KIF24: variants seen among roughly 807,000 people sequenced by gnomAD.
The protein encoded by KIF24 is kinesin family member 24.
Under a neutral mutation model 118.9 loss-of-function variants are expected in KIF24, and 81 were observed. The observed-to-expected ratio is 0.68, with a 90% confidence interval of 0.57 to 0.82. KIF24 has a LOEUF of 0.82. Among genes scored for constraint, KIF24 ranks in the 40% least tolerant of loss-of-function variants. The probability of loss-of-function intolerance (pLI) is 0.00; values close to 1 mark genes in which losing one functional copy is unlikely to be tolerated. For synonymous variants in KIF24, 599 were observed against 610.0 expected (o/e 0.98, Z 0.27); for missense variants, 1,560 against 1,661.6 (o/e 0.94, Z 1.06).
intron 4 of KIF24, among the ~76,000 whole-genome samples, chr9:34,296,245 G>C (rs1006370387): frequency 1.0e-4 from 14 of 136,088 alleles, no homozygotes; most frequent in African/African-American, 3.9e-4. Flanking sequence ...ACATCTATGA[G>C]GCCGGGCGTG....
At chr9:34,332,529 C>G (rs1358929111), upstream of KIF24, among the ~76,000 whole-genome samples, 1 of 152,146 alleles carries the variant, frequency 6.6e-6, no homozygotes, top group Non-Finnish European at 1.5e-5. Flanking sequence ...AGACAAATTC[C>G]CCGAGTTAGC....
rs373713874 is a variant in KIF24 at position 34,255,052 on chromosome 9, G to A, written c.3966+20C>T. The A allele has an allele frequency of 6.4e-5, 97 of 1,516,938 alleles. No homozygotes were observed. Among genetic ancestry groups the A allele is most frequent in the East Asian group, 1.4e-4 (6 of 42,138 alleles). 94.0% of individuals were successfully genotyped at this position (1,516,938 alleles called of 1,614,324 possible). On this transcript the variant is annotated intron_variant, in intron 12 of 12. Coordinates refer to ENST00000402558, the MANE Select transcript of KIF24 (RefSeq NM_194313.4). ...GGCTAATTCCCAACAGCCTGTGAGT[G>A]TCCAGCCAGGGCTACTTACATTAGA...
chr9:34,252,792 G>A lies in KIF24; in HGVS notation c.*1588C>T, dbSNP rs1834648098. 1 of 152,170 alleles carries A rather than the reference G, an allele frequency of 6.6e-6. No individual in the cohort carries two copies. Among genetic ancestry groups the A allele is most frequent in the South Asian group, 2.1e-4 (1 of 4,824 alleles). 9.4% of individuals were successfully genotyped at this position (152,170 alleles called of 1,614,324 possible). A position where few individuals can be genotyped will look rare whatever the true frequency, so the allele number is the denominator to read the frequency against. ...TGACTGTGGAGTTGGGATAGGCTGG[G>A]CCTTCAGGGGGATCACCCAGTAAAA... On this transcript the variant is annotated 3_prime_UTR_variant, in exon 13 of 13. Coordinates refer to ENST00000402558, the MANE Select transcript of KIF24 (RefSeq NM_194313.4).
rs1587983455 is a variant in KIF24, at chr9:34,329,193, G to A, written c.-113C>T. On this transcript the variant is annotated 5_prime_UTR_variant, in exon 1 of 13. Transcript: ENST00000402558. ...GAGCCCCAAAGCCCGCAACCTAACA[G>A]TCCCGTCAACCCGGGAGCCACCGGC... Among the ~76,000 whole-genome samples the A allele has an allele frequency of 6.6e-6, 1 of 152,238 alleles. No individual in the cohort carries two copies. Among genetic ancestry groups the A allele is most frequent in the African/African-American group, 2.4e-5 (1 of 41,462 alleles).
chr9:34,332,573 G>C (rs1388349202), upstream of KIF24, among the ~76,000 whole-genome samples: 1 of 152,126 alleles, frequency 6.6e-6, no homozygotes, highest in Non-Finnish European at 1.5e-5. Flanking sequence ...GCACTAATAG[G>C]CTGCTTAACA....
At chr9:34,269,107 A>G in intron 8 of KIF24, 150 bp downstream of exon 8, 1 of 465,626 alleles carries the variant, frequency 2.1e-6, no homozygotes, top group East Asian at 3.4e-5. Flanking sequence ...CTGTCTGGTC[A>G]GCCCTCTATC....
intron 5 of KIF24, among the ~76,000 whole-genome samples, chr9:34,288,848 CCACACACACACACACACACA>C (rs10537521): frequency 4.2e-4 from 58 of 138,978 alleles, no homozygotes; most frequent in African/African-American, 1.5e-3. Context: ...CCCAAATAAA[CCACACACACACACACACACA>C]CACACACACA....
intron 1 of KIF24, among the ~76,000 whole-genome samples, chr9:34,320,685 A>G (rs914114353): frequency 6.7e-6 from 1 of 148,318 alleles, no homozygotes; most frequent in Non-Finnish European, 1.5e-5. Flanking sequence ...AAAAAAAGGA[A>G]AAAAAGAAAA....
intron 6 of KIF24, among the ~76,000 whole-genome samples, chr9:34,278,464 C>G (rs1475532921): frequency 6.6e-6 from 1 of 151,412 alleles, no homozygotes; most frequent in African/African-American, 2.4e-5. Context: ...GTGTAAACTT[C>G]TAAAACTTAA....
intron 4 of KIF24, among the ~76,000 whole-genome samples, chr9:34,296,771 T>C (rs556615226): frequency 1.2e-4 from 19 of 152,208 alleles, no homozygotes; most frequent in Non-Finnish European, 2.2e-4. Context: ...TCACAATATA[T>C]TTTTCCACTA....
chr9:34,286,014 G>A (rs998627935), intron 6 of KIF24, among the ~76,000 whole-genome samples: 1 of 151,196 alleles, frequency 6.6e-6, no homozygotes, highest in African/African-American at 2.4e-5. Context: ...CACTGCCATA[G>A]AGAAACACAT....
intron 4 of KIF24, among the ~76,000 whole-genome samples, chr9:34,293,035 T>C (rs1836313345): frequency 6.6e-6 from 1 of 152,186 alleles, no homozygotes; most frequent in Non-Finnish European, 1.5e-5. Flanking sequence ...TCAAAAAGCA[T>C]TCCCTAGATT....
chr9:34,271,325 CAAAAAAA>C (rs58895274), intron 7 of KIF24, among the ~76,000 whole-genome samples: 1 of 107,354 alleles, frequency 9.3e-6, no homozygotes. Flanking sequence ...AGCAATCCAG[CAAAAAAA>C]AAAAAAAAAA....
At position 34,259,669 on chromosome 9, in the gene KIF24, A is replaced by G. The variant is rs143690751; in HGVS notation, c.1552T>C (p.Cys518Arg). 9.9e-5 allele frequency: 160 copies of G among 1,613,974 alleles called. No homozygotes were observed. The African/African-American group carries it at 1.9e-3, about 20-fold the overall frequency. ...KDSFIGNAKTCMIANISPSHV... is the reference protein window; with the variant it reads ...KDSFIGNAKTRMIANISPSHV... ...CTTGGTGAGATGTTGGCGATCATGCAGGTTTTGGCATTGCCGATGAAAGAG... is the reference window on the plus strand; with the variant it reads ...CTTGGTGAGATGTTGGCGATCATGCGGGTTTTGGCATTGCCGATGAAAGAG... The change falls in exon 10 of 13, where the codon TGC (cysteine) becomes CGC (arginine). Residue 518 changes from cysteine (C) to arginine (R), a missense_variant. Coordinates refer to ENST00000402558, the MANE Select transcript of KIF24 (RefSeq NM_194313.4).
chr9:34,282,331 T>A (rs1170382256), intron 6 of KIF24, among the ~76,000 whole-genome samples: 1 of 152,112 alleles, frequency 6.6e-6, no homozygotes, highest in African/African-American at 2.4e-5. Flanking sequence ...AATTGGCAAA[T>A]CCACAGAGAT....
Position 34,269,337 on chromosome 9 carries a change from TGCCA to T in KIF24, c.1359_1362del (p.Gly454ValfsTer21). On this transcript the variant is annotated frameshift_variant, in exon 8 of 13. Coordinates refer to ENST00000402558, the MANE Select transcript of KIF24 (RefSeq NM_194313.4). LOFTEE classifies it high-confidence loss of function. The stretch of plus-strand genomic sequence containing the variant: ...TCCCTTGCATCTGCTGCTCTTTCAC[TGCCA>T]GCCAAGTCAATAAAAGAGATCCTAG... 6.2e-7 allele frequency: 1 copy of T among 1,608,648 alleles called. No homozygotes were observed. The highest frequency in any genetic ancestry group is 8.5e-7 in the Non-Finnish European group (1 of 1,175,670).
Position 34,256,936 on chromosome 9 carries a change from T to G in KIF24, c.2671A>C (p.Ser891Arg). 1 of 1,613,954 alleles carries G rather than the reference T, an allele frequency of 6.2e-7. No homozygotes were observed. The highest frequency in any genetic ancestry group is 1.3e-5 in the African/African-American group (1 of 75,022). The change falls in exon 11 of 13, where the codon AGC becomes CGC. Residue 891 changes from serine (S) to arginine (R), a missense_variant. By Grantham distance (110) the Ser-to-Arg change is moderately radical (BLOSUM62 -1). Coordinates refer to ENST00000402558, the MANE Select transcript of KIF24 (RefSeq NM_194313.4). The stretch of plus-strand genomic sequence containing the variant: ...ATGGGGTCCCTGGAGTCCACCCAGC[T>G]TTTAGTTAGATCTTTCTTGTCACCT... ...RTGDKKDLTK[S>R]WVDSRDPINH...
chr9:34,331,242 A>G (rs575550121), upstream of KIF24, among the ~76,000 whole-genome samples: 1 of 152,332 alleles, frequency 6.6e-6, no homozygotes, highest in Non-Finnish European at 1.5e-5. Context: ...ATGAAAAGTC[A>G]TTTCTTTAAA....
upstream of KIF24, among the ~76,000 whole-genome samples, chr9:34,330,264 G>T (rs975128109): frequency 6.6e-6 from 1 of 152,192 alleles, no homozygotes. Context: ...AGTTAGCCAG[G>T]CGTCGTGGCG....
Sources: allele counts gnomAD v4.1 joint callset (sites outside exome capture counted in the v4.1 genomes callset), GRCh38; gene constraint gnomAD v4.1.1; transcripts MANE v1.5; gene names NCBI Gene and HGNC (gene_info 2026-07-23, HGNC 2026-07-21).